The following DAB2IP variants were observed in gnomAD, a reference collection of about 807,000 sequenced individuals.
DAB2IP encodes the protein disabled homolog 2-interacting protein.
A neutral mutation model predicts 107.2 loss-of-function variants in DAB2IP; 28 were observed. The ratio of observed to expected loss-of-function variants is 0.26; its 90% CI spans 0.19 to 0.36. The LOEUF (loss-of-function observed/expected upper bound fraction) is 0.36. Among genes scored for constraint, DAB2IP ranks in the 10% least tolerant of loss-of-function variants. DAB2IP has a pLI of 1.00. For synonymous variants in DAB2IP, 755 were observed against 706.4 expected (o/e 1.07, Z -1.09); for missense variants, 1,400 against 1,644.7 (o/e 0.85, Z 2.57).
intron 1 of DAB2IP, among the ~76,000 whole-genome samples, chr9:121,639,995 C>T (rs1356590386): frequency 1.3e-5 from 2 of 152,280 alleles, no homozygotes; most frequent in South Asian, 2.1e-4. Flanking sequence ...GTCTCGAAGT[C>T]CAAGATCTGA....
exon 8 of DAB2IP, chr9:121,763,876 A>C (rs1564212771): frequency 6.2e-7 from 1 of 1,613,948 alleles, no homozygotes; most frequent in Non-Finnish European, 8.5e-7. Context: ...ATCAACTCCT[A>C]CTGGTCAGTG....
In DAB2IP at chr9:121,708,413, G is replaced by A. The variant is rs1425006646; in HGVS notation, c.362+8955G>A. 2.0e-5 allele frequency among the ~76,000 whole-genome samples: 3 copies of A among 152,236 alleles called. No individual in the cohort carries two copies. The East Asian group carries it at 5.8e-4, about 29-fold the overall frequency. ...CCTCTCCCTCCTCAGAGAAGTAGCA[G>A]TAGCCCCCTTCTGTGCTTGCACTAG... On this transcript the variant is annotated intron_variant, in intron 3 of 15. Coordinates refer to ENST00000408936, the Ensembl canonical transcript of DAB2IP.
intron 1 of DAB2IP, among the ~76,000 whole-genome samples, chr9:121,613,491 C>CT (rs548674114): frequency 1.2e-3 from 189 of 152,098 alleles, no homozygotes; most frequent in South Asian, 7.1e-3. Flanking sequence ...GGCCCGGTGC[C>CT]TTTTTTTTAC....
Position 121,772,803 on chromosome 9 carries a change from G to T in DAB2IP, c.2275G>T (p.Gly759Trp). Residue 759 changes from glycine to tryptophan, a missense_variant, in exon 12 of 16, where the codon GGG becomes TGG. Transcript: ENST00000408936. This position sits in a 1 kb window ranked among gnomAD's most constrained non-coding sequence, Gnocchi z 4.7. The stretch of plus-strand genomic sequence containing the variant: ...CCTCCAGGACGCCCGCACGCTGGAT[G>T]GGGAGGCAGGCTCCCCGGCGGGCCC... The T allele has an allele frequency of 6.2e-7, 1 of 1,611,736 alleles. No homozygotes were observed.
rs560359170 is a variant in DAB2IP at position 121,634,336 on chromosome 9, G to A, written c.41-44342G>A. 1.4e-4 allele frequency among the ~76,000 whole-genome samples: 21 copies of A among 152,292 alleles called. No individual in the cohort carries two copies. The highest frequency in any genetic ancestry group is 2.4e-4 in the Non-Finnish European group (16 of 68,028). On this transcript the variant is annotated intron_variant, in intron 1 of 16. Transcript: ENST00000259371. The surrounding 1 kb of genome is among the most constrained non-coding windows in gnomAD (Gnocchi z 4.7). ...GCCCCGGCCGGCCACACTTGACCCC[G>A]CCTTTACTCTCTTAGTTCTGACATT...
chr9:121,663,791 G>A (rs1339297973), intron 1 of DAB2IP, among the ~76,000 whole-genome samples: 1 of 152,214 alleles, frequency 6.6e-6, no homozygotes, highest in Admixed American at 6.5e-5. Flanking sequence ...AGAGGCCAAG[G>A]GCCAGGCGCG....
exon 1 of DAB2IP, chr9:121,567,089 A>G (rs749835580): frequency 4.5e-5 from 69 of 1,524,448 alleles, no homozygotes; most frequent in Admixed American, 1.1e-4. Context: ...TCTAGTTGGA[A>G]AAGCCGCCAG....
chr9:121,749,664 T>C (rs1269796450), intron 3 of DAB2IP, among the ~76,000 whole-genome samples: 1 of 152,216 alleles, frequency 6.6e-6, no homozygotes, highest in Non-Finnish European at 1.5e-5. Context: ...GGGGGTCTAC[T>C]GCCCACTGCT....
rs755018805 is a variant in DAB2IP, at chr9:121,772,971, G to T, written c.2443G>T (p.Gly815Cys). Reference sequence around the variant, plus strand: ...ACCAACCACACCAGGCACCTCCGAGGGCGCGCCAGGCCGGCCCCAGCTGTT... The same window carrying T: ...ACCAACCACACCAGGCACCTCCGAGTGCGCGCCAGGCCGGCCCCAGCTGTT... Residue 815 changes from glycine (G) to cysteine (C), a missense_variant, in exon 12 of 16, where the codon GGC (glycine) becomes TGC (cysteine). Gly to Cys is a radical substitution (Grantham distance 159). This residue lies in a region of DAB2IP where 600 missense variants were observed against 659.1 expected (regional missense o/e 0.91). Transcript: ENST00000408936. This position sits in a 1 kb window ranked among gnomAD's most constrained non-coding sequence, Gnocchi z 4.7. 6.3e-7 allele frequency: 1 copy of T among 1,598,516 alleles called. No individual in the cohort carries two copies.
chr9:121,686,191 C>T (rs538601833), intron 2 of DAB2IP, among the ~76,000 whole-genome samples: 2 of 152,294 alleles, frequency 1.3e-5, no homozygotes, highest in Non-Finnish European at 2.9e-5. Context: ...TCCAACCCCC[C>T]CAACATCTGT....
chr9:121,751,975 G>C, intron 3 of DAB2IP: 1 of 985,498 alleles, frequency 1.0e-6, no homozygotes, highest in Non-Finnish European at 1.2e-6. Flanking sequence ...CCATGCCATG[G>C]AGGACAGGTA....
At chr9:121,785,465 TG>T (rs1227152722) in exon 16 of DAB2IP, 1 of 152,656 alleles carries the variant, frequency 6.6e-6, no homozygotes, top group East Asian at 1.9e-4. Flanking sequence ...TCTAAGACTC[TG>T]TGTGGCTGTG....
intron 1 of DAB2IP, among the ~76,000 whole-genome samples, chr9:121,668,394 C>G (rs1402724600): frequency 6.6e-6 from 1 of 152,150 alleles, no homozygotes; most frequent in East Asian, 1.9e-4. Flanking sequence ...TGCATTACCA[C>G]ACCTGGCTAA....
chr9:121,622,491 T>C (rs1443162265), intron 1 of DAB2IP, among the ~76,000 whole-genome samples: 1 of 152,182 alleles, frequency 6.6e-6, no homozygotes, highest in African/African-American at 2.4e-5. Flanking sequence ...CAGAATTCTA[T>C]TCCTTGTGAC....
intron 1 of DAB2IP, among the ~76,000 whole-genome samples, chr9:121,637,938 T>C (rs1444367727): frequency 1.1e-4 from 16 of 152,142 alleles, no homozygotes; most frequent in Non-Finnish European, 1.5e-5. Context: ...AGGTTCATGA[T>C]GCACGAGGCC....
intron 13 of DAB2IP, 92 bp downstream of exon 13, chr9:121,774,504 G>C (rs1835046383): frequency 7.1e-7 from 1 of 1,408,380 alleles, no homozygotes; most frequent in Admixed American, 2.8e-5. Context: ...CCAGCAACGG[G>C]TGCTGCTGTC....
chr9:121,731,841 T>C (rs1831560389), intron 3 of DAB2IP, among the ~76,000 whole-genome samples: 1 of 151,818 alleles, frequency 6.6e-6, no homozygotes, highest in African/African-American at 2.4e-5. Flanking sequence ...GGTTGGGGAG[T>C]GTTTAGGGAG....
chr9:121,585,446 C>T (rs1443769199), intron 1 of DAB2IP, among the ~76,000 whole-genome samples: 2 of 152,104 alleles, frequency 1.3e-5, no homozygotes, highest in Admixed American at 6.6e-5. Context: ...TGAGTTGATA[C>T]GGATTAAAGC....
chr9:121,694,640 T>C (rs975552232), intron 2 of DAB2IP, among the ~76,000 whole-genome samples: 3 of 152,040 alleles, frequency 2.0e-5, no homozygotes, highest in Non-Finnish European at 4.4e-5. Flanking sequence ...ACTTGGGTCC[T>C]TCCAGCCAAA....
Sources: gnomAD v4.1 joint callset for allele counts (sites outside exome capture counted in the v4.1 genomes callset) on GRCh38, gnomAD v4.1.1 for gene constraint, gnomAD v4.1.1 regional missense constraint, Gnocchi (gnomAD v3.1) non-coding constraint, MANE v1.5 for transcripts, NCBI Gene and HGNC (gene_info 2026-07-23, HGNC 2026-07-21) for gene names.